Variants in FSD2 observed in about 807,000 individuals in gnomAD.
FSD2 encodes fibronectin type III and SPRY domain containing 2, also known as fibronectin type III and SPRY domain-containing protein 2.
A neutral mutation model predicts 80.4 loss-of-function variants in FSD2; 71 were observed. That is an observed-to-expected ratio of 0.88 (90% CI 0.73 to 1.08). The LOEUF is 1.08. Among genes scored for constraint, FSD2 ranks in the 50% least tolerant of loss-of-function variants. FSD2 has a pLI of 0.00. For missense variants in FSD2, 923 were observed against 913.8 expected (o/e 1.01, Z -0.13); for synonymous variants, 361 against 329.5 (o/e 1.10, Z -1.03).
intron 1 of FSD2, among the ~76,000 whole-genome samples, chr15:82,802,237 G>C (rs1229503863): frequency 1.3e-5 from 2 of 152,164 alleles, no homozygotes; most frequent in African/African-American, 4.8e-5. Context: ...AGCTGGACCA[G>C]CAAGTCTCCC....
intron 1 of FSD2, among the ~76,000 whole-genome samples, chr15:82,792,269 T>C (rs886291597): frequency 6.6e-6 from 1 of 152,344 alleles, no homozygotes; most frequent in South Asian, 2.1e-4. Flanking sequence ...CACATTCTTG[T>C]CAGCACTTGT....
intron 4 of FSD2, 122 bp downstream of exon 4, chr15:82,782,673 G>T: frequency 2.5e-6 from 2 of 791,320 alleles, no homozygotes; most frequent in South Asian, 1.7e-5. Flanking sequence ...CATAAAAGTC[G>T]ATTCCAATGC....
At chr15:82,765,064 T>C in intron 11 of FSD2, 102 bp downstream of exon 11, 1 of 1,357,790 alleles carries the variant, frequency 7.4e-7, no homozygotes, top group Non-Finnish European at 9.8e-7. Context: ...TAGGATTCCT[T>C]TTCCCTCGAG....
intron 6 of FSD2, among the ~76,000 whole-genome samples, chr15:82,776,462 G>A (rs765198138): frequency 2.6e-5 from 4 of 151,986 alleles, no homozygotes; most frequent in Admixed American, 6.6e-5. Flanking sequence ...ATGTCCATTA[G>A]GTCCATTTGA....
Position 82,787,435 on chromosome 15 carries a change from CCTTCCTGGACACTTAAT to C in FSD2, c.-62_-46del. The C allele has an allele frequency of 6.6e-7, 1 of 1,517,200 alleles. No individual in the cohort carries two copies. The highest frequency in any genetic ancestry group is 8.8e-7 in the Non-Finnish European group (1 of 1,130,530). The allele number at this position is 1,517,200 out of a possible 1,614,324, so 94.0% of individuals were successfully genotyped here. On this transcript the variant is annotated 5_prime_UTR_variant, in exon 2 of 13. Coordinates refer to ENST00000334574, the MANE Select transcript of FSD2 (RefSeq NM_001007122.4). ...AGAAGCACCTTTATATAAGAAAGAT[CCTTCCTGGACACTTAAT>C]AGTGAATATCTGGGCCCTGGAACAC...
chr15:82,797,705 G>A (rs2050310922), intron 1 of FSD2, among the ~76,000 whole-genome samples: 1 of 152,170 alleles, frequency 6.6e-6, no homozygotes, highest in Admixed American at 6.5e-5. Context: ...AGCTACTTGG[G>A]AGGCTGAGGC....
intron 3 of FSD2, among the ~76,000 whole-genome samples, chr15:82,784,721 C>G (rs982009734): frequency 5.9e-5 from 9 of 152,110 alleles, no homozygotes; most frequent in Middle Eastern, 6.3e-3. Flanking sequence ...GGAAATGGGC[C>G]TGGGGCTTCG....
rs1246108501 is a variant in FSD2 at position 82,772,164 on chromosome 15, C to T, written c.1176G>A (p.Val392=). The T allele has an allele frequency of 1.9e-6, 3 of 1,612,478 alleles. No homozygotes were observed. Among genetic ancestry groups the T allele is most frequent in the Admixed American group, 1.7e-5 (1 of 59,790 alleles). ...TGTCGTCGGAGTATAAGCTCCAGCA[C>T]ACTCGGACTGAGGAACCTGTGGCTG... The part of the protein sequence containing the change: ...PNSATGSSVR[V]CWSLYSDDTV... The change falls in exon 7 of 13, where the codon GTG becomes GTA. Residue 392 remains valine (V), a synonymous_variant. Transcript: ENST00000334574.
At chr15:82,778,994 C>A in intron 5 of FSD2, 107 bp from the exon 6 acceptor site, 1 of 1,350,536 alleles carries the variant, frequency 7.4e-7, no homozygotes, top group Non-Finnish European at 1.0e-6. Context: ...CTTTGCTGAA[C>A]TTTCATTTAG....
At position 82,787,270 on chromosome 15, in the gene FSD2, T is replaced by G; in HGVS notation, c.121A>C (p.Thr41Pro). Residue 41 changes from threonine (T) to proline (P), a missense_variant, in exon 2 of 13, where the codon ACT (threonine) becomes CCT (proline). Coordinates refer to ENST00000334574, the MANE Select transcript of FSD2 (RefSeq NM_001007122.4). ...DRLHLFPEEN[T>P]RMRKVVQAEM... Reference sequence around the variant, plus strand: ...GCTTGGACTACTTTCCTCATCCTAGTGTTCTCTTCTGGAAAGAGGTGCAGT... The same window carrying G: ...GCTTGGACTACTTTCCTCATCCTAGGGTTCTCTTCTGGAAAGAGGTGCAGT... 6.2e-7 allele frequency: 1 copy of G among 1,613,852 alleles called. No homozygotes were observed. Among genetic ancestry groups the G allele is most frequent in the South Asian group, 1.1e-5 (1 of 91,070 alleles).
intron 1 of FSD2, among the ~76,000 whole-genome samples, chr15:82,789,354 T>TATAATAATAATA (rs35989908): frequency 0.014 from 2,064 of 148,910 alleles, 20 homozygotes; most frequent in East Asian, 0.021. Context: ...TCTAGAAGGA[T>TATAATAATAATA]ATAATAATAA....
chr15:82,781,336 C>A (rs1242503629), intron 4 of FSD2, among the ~76,000 whole-genome samples: 1 of 152,172 alleles, frequency 6.6e-6, no homozygotes, highest in African/African-American at 2.4e-5. Context: ...GCAGTGCCTG[C>A]CAAATTGCTC....
intron 6 of FSD2, 101 bp from the exon 7 acceptor site, chr15:82,772,329 C>A (rs749017422): frequency 1.8e-5 from 22 of 1,233,924 alleles, no homozygotes; most frequent in Non-Finnish European, 2.5e-5. Context: ...GAATCCACAG[C>A]CTTTGGGAAT....
At position 82,776,648 on chromosome 15, in the gene FSD2, A is replaced by G. The variant is rs370840216; in HGVS notation, c.1111+2118T>C. Among the ~76,000 whole-genome samples, 27 of 152,304 alleles carry G rather than the reference A, an allele frequency of 1.8e-4. No homozygotes were observed. In the East Asian group the frequency reaches 5.2e-3, roughly 29 times the overall value. The stretch of plus-strand genomic sequence containing the variant: ...GATTGGAAGAATTAATATTGTTAAA[A>G]TGTCCATATTATGCCAAATGATCTA... On this transcript the variant is annotated intron_variant, in intron 6 of 12. Coordinates refer to ENST00000334574, the MANE Select transcript of FSD2 (RefSeq NM_001007122.4).
At chr15:82,781,807 C>A (rs2049862245) in intron 4 of FSD2, among the ~76,000 whole-genome samples, 1 of 151,730 alleles carries the variant, frequency 6.6e-6, no homozygotes, top group South Asian at 2.1e-4. Context: ...CGCCTGTAAT[C>A]TCAGCACTTT....
At chr15:82,803,824 CTGGA>C (rs2050468605) in intron 1 of FSD2, among the ~76,000 whole-genome samples, 1 of 152,160 alleles carries the variant, frequency 6.6e-6, no homozygotes, top group Non-Finnish European at 1.5e-5. Flanking sequence ...TCACTGCCCT[CTGGA>C]TTCAGAGAGT....
At position 82,757,580 on chromosome 15, in the gene FSD2, C is replaced by T. The variant is rs1230329813; in HGVS notation, c.*1768G>A. On this transcript the variant is annotated 3_prime_UTR_variant, in exon 13 of 13. Transcript: ENST00000334574. The stretch of plus-strand genomic sequence containing the variant: ...ATCTCCTGACCTTGTGATCCATCCA[C>T]CTTGGCCCCCCAAAGTGCTGGGATT... 1 of 152,204 alleles carries T rather than the reference C, an allele frequency of 6.6e-6. No individual in the cohort carries two copies. Among genetic ancestry groups the T allele is most frequent in the Non-Finnish European group, 1.5e-5 (1 of 68,106 alleles). The allele number at this position is 152,204 out of a possible 1,614,324, so 9.4% of individuals were successfully genotyped here.
intron 1 of FSD2, among the ~76,000 whole-genome samples, chr15:82,787,870 C>T (rs2050041861): frequency 6.6e-6 from 1 of 151,976 alleles, no homozygotes; most frequent in Admixed American, 6.5e-5. Context: ...GCCTTTGCCT[C>T]CAGGGTGCAA....
chr15:82,791,969 G>A (rs2050163085), intron 1 of FSD2, among the ~76,000 whole-genome samples: 1 of 152,136 alleles, frequency 6.6e-6, no homozygotes, highest in Non-Finnish European at 1.5e-5. Flanking sequence ...GCCATATTTT[G>A]TTTGTCCATG....
Sources: allele counts gnomAD v4.1 joint callset (sites outside exome capture counted in the v4.1 genomes callset), GRCh38; gene constraint gnomAD v4.1.1; transcripts MANE v1.5; gene names NCBI Gene and HGNC (gene_info 2026-07-23, HGNC 2026-07-21).